Variants in METTL6 observed in about 807,000 individuals in gnomAD.
METTL6 encodes the protein methyltransferase 6, tRNA N3-cytidine, also known as tRNA N(3)-cytidine methyltransferase METTL6.
In METTL6, 22 loss-of-function variants were observed where a neutral mutation model predicts 26.4. That is an observed-to-expected ratio of 0.83 (90% CI 0.59 to 1.19). METTL6 has a LOEUF of 1.19. Ranked by LOEUF, METTL6 falls within the 50% of genes most tolerant of loss-of-function variation. The pLI, the probability that METTL6 is intolerant of heterozygous loss-of-function variation, is 0.00. For synonymous variants in METTL6, 109 were observed against 116.2 expected (o/e 0.94, Z 0.40); for missense variants, 304 against 324.8 (o/e 0.94, Z 0.49).
chr3:15,412,009 C>G (rs557087424), intron 5 of METTL6, among the ~76,000 whole-genome samples: 2 of 152,260 alleles, frequency 1.3e-5, no homozygotes, highest in South Asian at 4.1e-4. Flanking sequence ...AAATGATCCC[C>G]CAATCTTGGC....
downstream of METTL6, among the ~76,000 whole-genome samples, chr3:15,408,489 G>T (rs1416648944): frequency 6.6e-6 from 1 of 151,334 alleles, no homozygotes; most frequent in Non-Finnish European, 1.5e-5. Context: ...GTTAAGGAAT[G>T]AGGCCAAAAT....
downstream of METTL6, among the ~76,000 whole-genome samples, chr3:15,408,170 T>A (rs546882736): frequency 6.6e-6 from 1 of 152,290 alleles, no homozygotes; most frequent in African/African-American, 2.4e-5. Flanking sequence ...TCTCTGGTGT[T>A]AGACTTCAGA....
chr3:15,401,825 C>T (rs914905576), intron 6 of METTL6, among the ~76,000 whole-genome samples: 2 of 152,190 alleles, frequency 1.3e-5, no homozygotes, highest in Admixed American at 6.5e-5. Context: ...CGCCCCTTTT[C>T]CAGAACGTTC....
chr3:15,413,842 G>A (rs1028667806), intron 5 of METTL6, 179 bp downstream of exon 5: 1 of 1,504,452 alleles, frequency 6.6e-7, no homozygotes. Flanking sequence ...AGCTCTTCAA[G>A]GGCAGGGGCC....
chr3:15,419,797 C>A (rs1225857988), intron 3 of METTL6, among the ~76,000 whole-genome samples: 1 of 151,804 alleles, frequency 6.6e-6, no homozygotes, highest in African/African-American at 2.4e-5. Context: ...ATCACATTAA[C>A]CCTATTTGTA....
At chr3:15,383,456 T>C (rs1004952347) in exon 7 of METTL6, 6 of 151,918 alleles carry the variant, frequency 3.9e-5, no homozygotes, top group Non-Finnish European at 7.4e-5. Flanking sequence ...CAGGCTGGTG[T>C]CTGGAACCCC....
chr3:15,424,109 G>T (rs559775329), intron 3 of METTL6, among the ~76,000 whole-genome samples: 7 of 151,808 alleles, frequency 4.6e-5, no homozygotes, highest in African/African-American at 1.7e-4. Context: ...AAGCCCAGGA[G>T]GTTGAGGCTG....
chr3:15,393,775 T>C (rs988633953), intron 6 of METTL6, among the ~76,000 whole-genome samples: 3 of 152,248 alleles, frequency 2.0e-5, no homozygotes, highest in African/African-American at 7.2e-5. Context: ...TTGTCATTGG[T>C]TCTGTTTATA....
intron 6 of METTL6, among the ~76,000 whole-genome samples, chr3:15,396,634 G>A (rs1479671984): frequency 6.6e-6 from 1 of 152,076 alleles, no homozygotes; most frequent in East Asian, 1.9e-4. Flanking sequence ...TCTACCTTTG[G>A]TCTTTGATGA....
At chr3:15,401,120 A>G (rs1419735016) in intron 6 of METTL6, among the ~76,000 whole-genome samples, 2 of 151,858 alleles carry the variant, frequency 1.3e-5, no homozygotes, top group Admixed American at 1.3e-4. Context: ...GCTCACTGCA[A>G]GCTCCACCTT....
At chr3:15,414,928 A>T in intron 4 of METTL6, 1 of 1,150,210 alleles carries the variant, frequency 8.7e-7, no homozygotes. Flanking sequence ...TCTCAAAAAT[A>T]AATAAATAAG....
intron 6 of METTL6, among the ~76,000 whole-genome samples, chr3:15,388,821 T>A (rs1236136954): frequency 6.6e-6 from 1 of 152,236 alleles, no homozygotes; most frequent in Non-Finnish European, 1.5e-5. Flanking sequence ...AACTAAGTTT[T>A]AAATTATAAA....
At chr3:15,401,335 A>T (rs1030458733) in intron 6 of METTL6, among the ~76,000 whole-genome samples, 1 of 151,668 alleles carries the variant, frequency 6.6e-6, no homozygotes, top group African/African-American at 2.4e-5. Context: ...CACCGTGCCC[A>T]GCCCAGTTTT....
chr3:15,393,482 CTTTA>C (rs1699403877), intron 6 of METTL6, among the ~76,000 whole-genome samples: 1 of 152,128 alleles, frequency 6.6e-6, no homozygotes, highest in African/African-American at 2.4e-5. Flanking sequence ...ATTGAATACC[CTTTA>C]TTTCTTTCTC....
At chr3:15,415,664 A>G (rs1231399795) in intron 4 of METTL6, 108 bp downstream of exon 4, 2 of 1,599,642 alleles carry the variant, frequency 1.3e-6, no homozygotes, top group Non-Finnish European at 1.7e-6. Context: ...CTACCTAGTG[A>G]GAATGGAGAG....
intron 6 of METTL6, among the ~76,000 whole-genome samples, chr3:15,402,711 G>A (rs1427703113): frequency 6.8e-6 from 1 of 147,626 alleles, no homozygotes; most frequent in Admixed American, 6.8e-5. Flanking sequence ...ACTCCAGCCT[G>A]GGAAACAGAG....
Position 15,414,139 on chromosome 3 carries a change from GAC to G in METTL6, c.553_554del (p.Val185LeufsTer4), listed in dbSNP as rs746558844. The G allele has an allele frequency of 5.0e-6, 8 of 1,612,838 alleles. No homozygotes were observed. The African/African-American group carries it at 9.4e-5, about 19-fold the overall frequency. ...CATACAGTCCGTAGTCACGAAACAA[GAC>G]ACTTTTGCCTGGTTTTAATACCTAT... ...IYKVLKPGKS[V>X]LFRDYGLYDH... On this transcript the variant is annotated frameshift_variant, in exon 5 of 6. Coordinates refer to ENST00000383790, the MANE Select transcript of METTL6 (RefSeq NM_152396.4). LOFTEE classifies it high-confidence loss of function.
chr3:15,407,919 A>G (rs1699844628), downstream of METTL6, among the ~76,000 whole-genome samples: 1 of 152,128 alleles, frequency 6.6e-6, no homozygotes, highest in African/African-American at 2.4e-5. Context: ...TATCGCATGG[A>G]GTCTGAACTT....
At chr3:15,408,632 T>C (rs903556153), downstream of METTL6, among the ~76,000 whole-genome samples, 2 of 149,360 alleles carry the variant, frequency 1.3e-5, no homozygotes, top group South Asian at 2.1e-4. Context: ...AGTGGTGTGA[T>C]AATGGCTCAC....
Sources: allele counts gnomAD v4.1 joint callset (sites outside exome capture counted in the v4.1 genomes callset), GRCh38; gene constraint gnomAD v4.1.1; transcripts MANE v1.5; gene names NCBI Gene and HGNC (gene_info 2026-07-23, HGNC 2026-07-21).